The following DDHD1 variants were observed in gnomAD, a reference collection of about 807,000 sequenced individuals.
The protein encoded by DDHD1 is DDHD domain containing 1.
DDHD1 carries 49 observed loss-of-function variants against 96.4 expected under a neutral mutation model. The observed-to-expected ratio is 0.51, with a 90% CI of 0.40 to 0.64. The LOEUF is 0.64. Ranked by LOEUF, DDHD1 falls within the 30% of genes least tolerant of loss-of-function variation. The pLI is 0.00. For missense variants in DDHD1, 1,106 were observed against 1,161.2 expected, an observed-to-expected ratio of 0.95 and a Z score of 0.69; for synonymous variants, 442 against 446.5, an observed-to-expected ratio of 0.99 and a Z score of 0.13.
Position 53,152,728 on chromosome 14 carries a change from G to T in DDHD1, c.371C>A (p.Pro124Gln). ...SLSLHPPQQP[P>Q]LVPTNSGGGG... ...GCCCCCCGAGTTCGTCGGGACCAGC[G>T]GAGGCTGCTGCGGCGGGTGCAGCGA... The change falls in exon 1 of 13, where the codon CCG becomes CAG. Residue 124 changes from proline to glutamine, a missense_variant. Physicochemically the swap from Pro to Gln is moderately conservative, Grantham distance 76 (BLOSUM62 -1). This residue lies in a region of DDHD1 where 456 missense variants were observed against 402.4 expected (regional missense o/e 1.13). Transcript: ENST00000673822. 6.2e-7 allele frequency: 1 copy of T among 1,602,080 alleles called. No homozygotes were observed. The highest frequency in any genetic ancestry group is 8.5e-7 in the Non-Finnish European group (1 of 1,174,564).
At chr14:53,063,836 T>C (rs1385607415) in intron 6 of DDHD1, among the ~76,000 whole-genome samples, 1 of 152,116 alleles carries the variant, frequency 6.6e-6, no homozygotes, top group Non-Finnish European at 1.5e-5. Context: ...ATTTTAAGTT[T>C]AGAGGTTAAT....
At chr14:53,065,069 C>T (rs2139879651) in intron 6 of DDHD1, among the ~76,000 whole-genome samples, 1 of 152,276 alleles carries the variant, frequency 6.6e-6, no homozygotes, top group Non-Finnish European at 1.5e-5. Context: ...ATTAGGTCTA[C>T]AATATGATCT....
At chr14:53,089,585 A>G (rs1442830597) in intron 4 of DDHD1, among the ~76,000 whole-genome samples, 2 of 152,212 alleles carry the variant, frequency 1.3e-5, no homozygotes, top group Non-Finnish European at 2.9e-5. Context: ...TATTTAATAA[A>G]TGATGCTGGG....
At chr14:53,066,575 A>C (rs1427353241) in intron 6 of DDHD1, among the ~76,000 whole-genome samples, 1 of 152,370 alleles carries the variant, frequency 6.6e-6, no homozygotes, top group Non-Finnish European at 1.5e-5. Flanking sequence ...TCCTTCCCTA[A>C]GGAAACATAT....
At position 53,044,358 on chromosome 14, in the gene DDHD1, T is replaced by C. The variant is rs1320626191; in HGVS notation, c.*2410A>G. ...AAGGAAGCAGACATATTCCTATGGCTATAGGAACATACCTTTTACTCAGTG... is the reference window on the plus strand; with the variant it reads ...AAGGAAGCAGACATATTCCTATGGCCATAGGAACATACCTTTTACTCAGTG... On this transcript the variant is annotated 3_prime_UTR_variant, in exon 13 of 13. Transcript: ENST00000673822. The C allele has an allele frequency of 6.6e-6, 1 of 152,204 alleles. No homozygotes were observed. The highest frequency in any genetic ancestry group is 1.5e-5 in the Non-Finnish European group (1 of 68,028). The allele number at this position is 152,204 out of a possible 1,614,324, so 9.4% of individuals were successfully genotyped here. A position where few individuals can be genotyped will look rare whatever the true frequency, so the allele number is the denominator to read the frequency against.
At chr14:53,093,227 AAAAAC>A in intron 3 of DDHD1, 84 bp downstream of exon 3, 1 of 1,368,234 alleles carries the variant, frequency 7.3e-7, no homozygotes, top group Non-Finnish European at 9.7e-7. Context: ...AAAACATACT[AAAAAC>A]AGAATATGAA....
chr14:53,040,100 G>A lies in DDHD1; in HGVS notation c.*6668C>T, dbSNP rs944699015. On this transcript the variant is annotated 3_prime_UTR_variant, in exon 13 of 13. Transcript: ENST00000673822. Reference sequence around the variant, plus strand: ...AAAGTCACTTTGGTAGCAAAGGTGGGGGAATGGGAAGGTGAGTGGAAAGGT... The same window carrying A: ...AAAGTCACTTTGGTAGCAAAGGTGGAGGAATGGGAAGGTGAGTGGAAAGGT... 1 of 152,214 alleles carries A rather than the reference G, an allele frequency of 6.6e-6. No homozygotes were observed. Among genetic ancestry groups the A allele is most frequent in the African/African-American group, 2.4e-5 (1 of 41,450 alleles). 9.4% of individuals were successfully genotyped at this position (152,214 alleles called of 1,614,324 possible).
chr14:53,056,206 A>T (rs1408137456), intron 9 of DDHD1, among the ~76,000 whole-genome samples: 1 of 152,154 alleles, frequency 6.6e-6, no homozygotes, highest in Non-Finnish European at 1.5e-5. Flanking sequence ...TAGTCTTAGG[A>T]GCAAAGTTGA....
At chr14:53,069,173 G>T (rs148704798) in intron 6 of DDHD1, among the ~76,000 whole-genome samples, 84 of 152,216 alleles carry the variant, frequency 5.5e-4, no homozygotes, top group African/African-American at 2.0e-3. Context: ...GTCATAACAA[G>T]TTGTCCCAGC....
At chr14:53,075,242 T>C (rs10150487) in intron 4 of DDHD1, among the ~76,000 whole-genome samples, 4,704 of 152,230 alleles carry the variant, frequency 0.031, 240 homozygotes, top group African/African-American at 0.1. Context: ...TTGCACCAGG[T>C]AGCCAATTTG....
chr14:53,068,864 G>T (rs907777702), intron 6 of DDHD1, among the ~76,000 whole-genome samples: 2 of 152,072 alleles, frequency 1.3e-5, no homozygotes, highest in Non-Finnish European at 2.9e-5. Flanking sequence ...AGTATCCATC[G>T]ATGATTTGTG....
chr14:53,085,985 C>T (rs144090906), intron 4 of DDHD1, among the ~76,000 whole-genome samples: 85 of 152,248 alleles, frequency 5.6e-4, no homozygotes, highest in African/African-American at 2.0e-3. Flanking sequence ...AACCATGACA[C>T]GAGAACTACG....
chr14:53,098,745 C>A (rs1317434808), intron 2 of DDHD1, among the ~76,000 whole-genome samples: 2 of 152,196 alleles, frequency 1.3e-5, no homozygotes, highest in East Asian at 3.9e-4. Flanking sequence ...ATTTATTCAG[C>A]TACAGTGATA....
chr14:53,098,142 T>C (rs1415851686), intron 2 of DDHD1, among the ~76,000 whole-genome samples: 2 of 151,974 alleles, frequency 1.3e-5, no homozygotes, highest in Non-Finnish European at 2.9e-5. Flanking sequence ...GAAAGCACTA[T>C]TTAATTTTCT....
At chr14:53,121,256 G>C (rs1888959698) in intron 1 of DDHD1, among the ~76,000 whole-genome samples, 1 of 152,208 alleles carries the variant, frequency 6.6e-6, no homozygotes, top group Admixed American at 6.5e-5. Flanking sequence ...AGTTAGAATA[G>C]CAATTATTAA....
intron 4 of DDHD1, among the ~76,000 whole-genome samples, chr14:53,087,070 T>C (rs567063170): frequency 4.0e-5 from 6 of 151,204 alleles, no homozygotes; most frequent in Non-Finnish European, 8.8e-5. Context: ...AGAAGGACGT[T>C]ACATAATGGT....
In DDHD1 at chr14:53,044,729, T is replaced by A. The variant is rs1881895795; in HGVS notation, c.*2039A>T. On this transcript the variant is annotated 3_prime_UTR_variant, in exon 13 of 13. Transcript: ENST00000673822. ...TACTTGGTCATGGAGCCTTGGAATT[T>A]TTTTTAAACATTAAAAAGAAGTGCT... 1 of 152,194 alleles carries A rather than the reference T, an allele frequency of 6.6e-6. No homozygotes were observed. 9.4% of individuals were successfully genotyped at this position (152,194 alleles called of 1,614,324 possible). A position where few individuals can be genotyped will look rare whatever the true frequency, so the allele number is the denominator to read the frequency against.
intron 1 of DDHD1, among the ~76,000 whole-genome samples, chr14:53,138,622 A>C (rs1890412910): frequency 6.6e-6 from 1 of 152,222 alleles, no homozygotes; most frequent in Middle Eastern, 3.2e-3. Flanking sequence ...AGCTGAGGTC[A>C]CAGTGCAACT....
intron 1 of DDHD1, among the ~76,000 whole-genome samples, chr14:53,120,570 A>C (rs1444821847): frequency 3.3e-5 from 5 of 152,202 alleles, no homozygotes; most frequent in Non-Finnish European, 2.9e-5. Flanking sequence ...ACAGTAACCA[A>C]AACAGCATGG....
Sources: allele counts gnomAD v4.1 joint callset (sites outside exome capture counted in the v4.1 genomes callset), GRCh38; gene constraint gnomAD v4.1.1; regional missense constraint gnomAD v4.1.1; transcripts MANE v1.5; gene names NCBI Gene and HGNC (gene_info 2026-07-23, HGNC 2026-07-21).